KIRREL3: variants seen among roughly 807,000 people sequenced by gnomAD.
The protein encoded by KIRREL3 is kirre like nephrin family adhesion molecule 3, also known as kin of IRRE-like protein 3.
KIRREL3 carries 36 observed loss-of-function variants against 89.7 expected under a neutral mutation model. The ratio of observed to expected loss-of-function variants is 0.40; its 90% CI spans 0.31 to 0.53. The LOEUF (loss-of-function observed/expected upper bound fraction) is 0.53, where lower values mean the gene tolerates loss of function less well. Ranked by LOEUF, KIRREL3 falls within the 20% of genes least tolerant of loss-of-function variation. The pLI, the probability that KIRREL3 is intolerant of heterozygous loss-of-function variation, is 0.49. For missense variants in KIRREL3, 864 were observed against 1,056.6 expected, an observed-to-expected ratio of 0.82 and a Z score of 2.53; for synonymous variants, 445 against 441.4, an observed-to-expected ratio of 1.01 and a Z score of -0.10.
At position 126,612,371 on chromosome 11, in the gene KIRREL3, GTGGTGTCAATT is replaced by G. The variant is rs1210213778; in HGVS notation, c.56-49470_56-49460del. ...TCCCTCAGTATTTGAATAAATAAAT[GTGGTGTCAATT>G]TGGATTAATTTTCTTGATCTCATAC... On this transcript the variant is annotated intron_variant, in intron 1 of 16. Transcript: ENST00000525144. The surrounding 1 kb of genome is among the most constrained non-coding windows in gnomAD (Gnocchi z 4.5). Among the ~76,000 whole-genome samples the G allele has an allele frequency of 2.0e-5, 3 of 152,176 alleles. No individual in the cohort carries two copies. The highest frequency in any genetic ancestry group is 4.4e-5 in the Non-Finnish European group (3 of 68,048).
intron 1 of KIRREL3, among the ~76,000 whole-genome samples, chr11:126,902,528 A>G (rs968355763): frequency 1.3e-5 from 2 of 152,254 alleles, no homozygotes; most frequent in African/African-American, 4.8e-5. Context: ...TGCTCTCATA[A>G]GTATATCCCC....
At chr11:126,446,285 CCTTTCTTT>C (rs5795496) in intron 9 of KIRREL3, among the ~76,000 whole-genome samples, 2 of 143,402 alleles carry the variant, frequency 1.4e-5, no homozygotes, top group East Asian at 2.1e-4. Context: ...TTTTCTTTCT[CCTTTCTTT>C]CTTTCTTTCT....
rs747690160 is a variant in KIRREL3 at position 126,872,707 on chromosome 11, T to A, written c.55+127748A>T. ...CATCCTGGGCTTGTTTTCATCTTTGTCAGTGTGGGTACTTTCCTGCTCTGT... is the reference window on the plus strand; with the variant it reads ...CATCCTGGGCTTGTTTTCATCTTTGACAGTGTGGGTACTTTCCTGCTCTGT... On this transcript the variant is annotated intron_variant, in intron 1 of 16. Coordinates refer to ENST00000525144, the MANE Select transcript of KIRREL3 (RefSeq NM_032531.4). The surrounding 1 kb of genome is among the most constrained non-coding windows in gnomAD (Gnocchi z 4.2). Among the ~76,000 whole-genome samples the A allele has an allele frequency of 1.1e-4, 17 of 152,224 alleles. No homozygotes were observed. Among genetic ancestry groups the A allele is most frequent in the Non-Finnish European group, 2.2e-4 (15 of 68,046 alleles).
At chr11:126,951,060 T>G (rs1342342529) in intron 1 of KIRREL3, among the ~76,000 whole-genome samples, 1 of 152,242 alleles carries the variant, frequency 6.6e-6, no homozygotes, top group African/African-American at 2.4e-5. Context: ...CAATCACATC[T>G]TCCAAGCCCC....
At chr11:126,548,365 G>A (rs1938984871) in intron 2 of KIRREL3, among the ~76,000 whole-genome samples, 1 of 152,184 alleles carries the variant, frequency 6.6e-6, no homozygotes, top group South Asian at 2.1e-4. Flanking sequence ...TAGTTGCGGA[G>A]GCCACTGTGC....
At chr11:126,670,547 A>G (rs1945890321) in intron 1 of KIRREL3, among the ~76,000 whole-genome samples, 1 of 152,114 alleles carries the variant, frequency 6.6e-6, no homozygotes, top group Non-Finnish European at 1.5e-5. Context: ...TTATCTACAT[A>G]AAAAACCCAA....
In KIRREL3 at chr11:126,434,368, G is replaced by T. The variant is rs748668319; in HGVS notation, c.1588+900C>A. ...CCACCCTCAGCACTAGCATGGACCCGGGGAGAAGGCAGCGGGAGGCTGGCA... is the reference window on the plus strand; with the variant it reads ...CCACCCTCAGCACTAGCATGGACCCTGGGAGAAGGCAGCGGGAGGCTGGCA... On this transcript the variant is annotated intron_variant, in intron 13 of 16. Transcript: ENST00000525144. 2.6e-5 allele frequency among the ~76,000 whole-genome samples: 4 copies of T among 152,386 alleles called. No individual in the cohort carries two copies. The South Asian group carries it at 8.3e-4, about 32-fold the overall frequency.
intron 1 of KIRREL3, among the ~76,000 whole-genome samples, chr11:126,777,184 G>A (rs1950193044): frequency 6.6e-6 from 1 of 152,116 alleles, no homozygotes; most frequent in Non-Finnish European, 1.5e-5. Context: ...TATCATGACC[G>A]AGGGATGCTA....
At chr11:126,552,563 T>A (rs933681814) in intron 2 of KIRREL3, among the ~76,000 whole-genome samples, 10 of 80,626 alleles carry the variant, frequency 1.2e-4, no homozygotes, top group African/African-American at 3.8e-4. Context: ...TTTTTTTTTT[T>A]TTTTTTTTTT....
chr11:126,828,544 T>TG (rs1014601716), intron 1 of KIRREL3, among the ~76,000 whole-genome samples: 2 of 151,552 alleles, frequency 1.3e-5, no homozygotes, highest in Non-Finnish European at 2.9e-5. Flanking sequence ...ACCAGGGGAG[T>TG]GGGGGGCAAG....
chr11:126,888,626 T>A (rs1945789722), intron 1 of KIRREL3, among the ~76,000 whole-genome samples: 1 of 152,168 alleles, frequency 6.6e-6, no homozygotes, highest in Non-Finnish European at 1.5e-5. Flanking sequence ...CCAAGATGTA[T>A]CATTTCAGGA....
chr11:126,668,430 G>C lies in KIRREL3; in HGVS notation c.56-105518C>G, dbSNP rs534539997. On this transcript the variant is annotated intron_variant, in intron 1 of 16. Transcript: ENST00000525144. This position sits in a 1 kb window ranked among gnomAD's most constrained non-coding sequence, Gnocchi z 4.4. ...TAACCATTCAGAATAAAACACCCTG[G>C]CTATAGAAGAGAGGTGGCTTTTCCT... Among the ~76,000 whole-genome samples the C allele has an allele frequency of 6.6e-6, 1 of 152,216 alleles. No individual in the cohort carries two copies. The highest frequency in any genetic ancestry group is 1.9e-4 in the East Asian group (1 of 5,172).
intron 4 of KIRREL3, among the ~76,000 whole-genome samples, chr11:126,502,833 A>C (rs1032104407): frequency 9.2e-5 from 14 of 152,212 alleles, no homozygotes; most frequent in African/African-American, 3.4e-4. Flanking sequence ...GTTGCATTAC[A>C]GTAATAACAT....
intron 6 of KIRREL3, among the ~76,000 whole-genome samples, chr11:126,461,212 A>G (rs1353358688): frequency 6.6e-6 from 1 of 152,240 alleles, no homozygotes; most frequent in Non-Finnish European, 1.5e-5. Flanking sequence ...GCTGGACTGC[A>G]TGGCTTTGCG....
rs1950363230 is a variant in KIRREL3, at chr11:126,782,657, A to G, written c.55+217798T>C. 6.6e-6 allele frequency among the ~76,000 whole-genome samples: 1 copy of G among 152,226 alleles called. No homozygotes were observed. Among genetic ancestry groups the G allele is most frequent in the African/African-American group, 2.4e-5 (1 of 41,462 alleles). On this transcript the variant is annotated intron_variant, in intron 1 of 16. Coordinates refer to ENST00000525144, the MANE Select transcript of KIRREL3 (RefSeq NM_032531.4). The surrounding 1 kb of genome is among the most constrained non-coding windows in gnomAD (Gnocchi z 4.1). Reference sequence around the variant, plus strand: ...TCACTGTTGGAGTGGGAGGTTACAGATAAGCAAAAGGAGGGGGCTAGAATG... The same window carrying G: ...TCACTGTTGGAGTGGGAGGTTACAGGTAAGCAAAAGGAGGGGGCTAGAATG...
intron 1 of KIRREL3, among the ~76,000 whole-genome samples, chr11:126,803,531 T>C (rs967992247): frequency 1.3e-5 from 2 of 152,184 alleles, no homozygotes; most frequent in African/African-American, 4.8e-5. Context: ...TGTACATGTA[T>C]AAATAAATCC....
intron 1 of KIRREL3, among the ~76,000 whole-genome samples, chr11:126,966,224 T>C (rs914106418): frequency 3.3e-5 from 5 of 152,142 alleles, no homozygotes; most frequent in East Asian, 1.9e-4. Flanking sequence ...TGACTGACAA[T>C]AAGGTACAGA....
chr11:126,499,496 C>T (rs1042609362), intron 4 of KIRREL3, among the ~76,000 whole-genome samples: 37 of 152,142 alleles, frequency 2.4e-4, no homozygotes, highest in African/African-American at 7.2e-4. Flanking sequence ...ACACCTAGGA[C>T]GGCTCCACAC....
Position 126,515,995 on chromosome 11 carries a change from T to C in KIRREL3, c.433+5320A>G, listed in dbSNP as rs1958396830. On this transcript the variant is annotated intron_variant, in intron 4 of 16. Transcript: ENST00000525144. The surrounding 1 kb of genome is among the most constrained non-coding windows in gnomAD (Gnocchi z 4.2). ...TGGACCCATCTCCCCAGAAGATTCA[T>C]GGATGGGAGATTGGGGGAGGCTGCC... Among the ~76,000 whole-genome samples, 1 of 152,142 alleles carries C rather than the reference T, an allele frequency of 6.6e-6. No individual in the cohort carries two copies. The highest frequency in any genetic ancestry group is 1.5e-5 in the Non-Finnish European group (1 of 68,018).
Sources: allele counts gnomAD v4.1 joint callset (sites outside exome capture counted in the v4.1 genomes callset), GRCh38; gene constraint gnomAD v4.1.1; non-coding constraint Gnocchi (gnomAD v3.1); transcripts MANE v1.5; gene names NCBI Gene and HGNC (gene_info 2026-07-23, HGNC 2026-07-21).